The following PRKCA variants were observed in gnomAD, a reference collection of about 807,000 sequenced individuals.
PRKCA encodes the protein protein kinase C alpha type.
A neutral mutation model predicts 87.0 loss-of-function variants in PRKCA; 27 were observed. That is an observed-to-expected ratio of 0.31 (90% CI 0.23 to 0.43). The LOEUF (loss-of-function observed/expected upper bound fraction) is 0.43. PRKCA is among the 20% of genes least tolerant of loss of function. The probability of loss-of-function intolerance (pLI) is 1.00; values close to 1 mark genes in which losing one functional copy is unlikely to be tolerated. For synonymous variants in PRKCA, 329 were observed against 311.1 expected, an observed-to-expected ratio of 1.06 and a Z score of -0.61; for missense variants, 518 against 852.3, an observed-to-expected ratio of 0.61 and a Z score of 4.88.
At chr17:66,747,908 G>C (rs1391814698) in intron 13 of PRKCA, among the ~76,000 whole-genome samples, 1 of 152,238 alleles carries the variant, frequency 6.6e-6, no homozygotes, top group Admixed American at 6.5e-5. Context: ...GCTGGGCACT[G>C]TTCCAGGCCG....
intron 8 of PRKCA, among the ~76,000 whole-genome samples, chr17:66,690,827 CAAAAAAAAAAA>C (rs34671486): frequency 3.0e-5 from 2 of 66,600 alleles, no homozygotes; most frequent in Non-Finnish European, 2.8e-5. Context: ...GACTCTGTCT[CAAAAAAAAAAA>C]AAAAAAAAAA....
intron 5 of PRKCA, among the ~76,000 whole-genome samples, chr17:66,683,555 C>A (rs772136462): frequency 1.1e-4 from 16 of 152,130 alleles, no homozygotes; most frequent in South Asian, 2.1e-4. Flanking sequence ...AGAATGTCTG[C>A]CCACCTATCC....
chr17:66,452,907 A>C (rs1914394978), intron 2 of PRKCA, among the ~76,000 whole-genome samples: 1 of 152,218 alleles, frequency 6.6e-6, no homozygotes, highest in African/African-American at 2.4e-5. Flanking sequence ...ATAACTAGAA[A>C]TTATGAGGTT....
At position 66,632,523 on chromosome 17, in the gene PRKCA, G is replaced by A. The variant is rs189402223; in HGVS notation, c.289-8832G>A. Among the ~76,000 whole-genome samples the A allele has an allele frequency of 2.9e-3, 439 of 152,196 alleles. 2 individuals carry two copies. Among genetic ancestry groups the A allele is most frequent in the Non-Finnish European group, 5.0e-3 (339 of 68,016 alleles). On this transcript the variant is annotated intron_variant, in intron 3 of 16. Transcript: ENST00000413366. Reference sequence around the variant, plus strand: ...GCCTCCTGAGTAGCTGGGACTAAAGGCATAGGCCACCACCCCCAGCTAATT... The same window carrying A: ...GCCTCCTGAGTAGCTGGGACTAAAGACATAGGCCACCACCCCCAGCTAATT...
chr17:66,670,785 AC>A (rs1262002095), intron 5 of PRKCA, among the ~76,000 whole-genome samples: 1 of 151,556 alleles, frequency 6.6e-6, no homozygotes, highest in African/African-American at 2.4e-5. Context: ...TTGCTTGAGC[AC>A]AGGAGGTCAA....
chr17:66,542,050 A>G (rs1368576907), intron 3 of PRKCA, among the ~76,000 whole-genome samples: 1 of 152,166 alleles, frequency 6.6e-6, no homozygotes, highest in African/African-American at 2.4e-5. Flanking sequence ...TGCGGTTATT[A>G]TGGTTCTATA....
intron 3 of PRKCA, among the ~76,000 whole-genome samples, chr17:66,500,007 C>T (rs1455436273): frequency 6.6e-6 from 1 of 152,088 alleles, no homozygotes. Context: ...AAGAGGTGGG[C>T]CCTTTAGGAG....
intron 3 of PRKCA, among the ~76,000 whole-genome samples, chr17:66,534,068 C>CG (rs1204175847): frequency 2.0e-5 from 3 of 150,802 alleles, no homozygotes; most frequent in Admixed American, 6.6e-5. Context: ...TGCTGCCCCC[C>CG]GCACCCCCCC....
At chr17:66,714,523 C>T (rs753829905) in intron 8 of PRKCA, among the ~76,000 whole-genome samples, 1 of 152,110 alleles carries the variant, frequency 6.6e-6, no homozygotes, top group Non-Finnish European at 1.5e-5. Context: ...CACTGTTCCA[C>T]CCCCTCGTCT....
At chr17:66,396,223 G>A (rs1910656267) in intron 2 of PRKCA, among the ~76,000 whole-genome samples, 1 of 152,174 alleles carries the variant, frequency 6.6e-6, no homozygotes, top group African/African-American at 2.4e-5. Flanking sequence ...AGCTGCAAAT[G>A]CAGGAGTTGG....
chr17:66,496,834 G>A (rs1916497365), intron 3 of PRKCA, among the ~76,000 whole-genome samples: 1 of 152,194 alleles, frequency 6.6e-6, no homozygotes, highest in Admixed American at 6.5e-5. Flanking sequence ...AGTAGAGATG[G>A]GGTTTCATCA....
intron 3 of PRKCA, among the ~76,000 whole-genome samples, chr17:66,555,773 T>C (rs889075491): frequency 2.0e-5 from 3 of 152,292 alleles, no homozygotes; most frequent in Admixed American, 6.5e-5. Context: ...ACTACCACAG[T>C]TGACAAACTG....
chr17:66,404,515 A>G (rs909284172), intron 2 of PRKCA, among the ~76,000 whole-genome samples: 21 of 152,080 alleles, frequency 1.4e-4, no homozygotes, highest in African/African-American at 4.8e-4. Flanking sequence ...TTGGCAGATT[A>G]CTGTTTACAA....
At chr17:66,687,395 C>G in intron 6 of PRKCA, 128 bp downstream of exon 6, 1 of 967,160 alleles carries the variant, frequency 1.0e-6, no homozygotes, top group Non-Finnish European at 1.5e-6. Context: ...AAGACCTCCT[C>G]AGGCTGCCAT....
Position 66,781,897 on chromosome 17 carries a change from T to TA in PRKCA, c.1606-4970_1606-4969insA, listed in dbSNP as rs1598939147. On this transcript the variant is annotated intron_variant, in intron 14 of 16. Coordinates refer to ENST00000413366, the MANE Select transcript of PRKCA (RefSeq NM_002737.3). The stretch of plus-strand genomic sequence containing the variant: ...TATATATATATATATAGTGTGTGTG[T>TA]GTGTGTGTGTGTGTGTGTGTGAGTG... Among the ~76,000 whole-genome samples the TA allele has an allele frequency of 2.7e-5, 4 of 146,828 alleles. No individual in the cohort carries two copies. The East Asian group carries it at 6.1e-4, about 22-fold the overall frequency.
chr17:66,648,966 C>T lies in PRKCA; in HGVS notation c.529+3455C>T, dbSNP rs956565959. On this transcript the variant is annotated intron_variant, in intron 5 of 16. Coordinates refer to ENST00000413366, the MANE Select transcript of PRKCA (RefSeq NM_002737.3). Reference sequence around the variant, plus strand: ...AAAATTAGCCAAGTATGGTGGCATGCGCATGTAGTCCCAGGTACTCAGGAG... The same window carrying T: ...AAAATTAGCCAAGTATGGTGGCATGTGCATGTAGTCCCAGGTACTCAGGAG... Among the ~76,000 whole-genome samples, 11 of 151,892 alleles carry T rather than the reference C, an allele frequency of 7.2e-5. No individual in the cohort carries two copies. The East Asian group carries it at 1.2e-3, about 16-fold the overall frequency.
chr17:66,543,956 A>G (rs1968067289), intron 3 of PRKCA, among the ~76,000 whole-genome samples: 1 of 152,206 alleles, frequency 6.6e-6, no homozygotes, highest in Non-Finnish European at 1.5e-5. Context: ...TCACGCCTGT[A>G]ATCCCAGCAC....
At chr17:66,447,753 C>T (rs1914107665) in intron 2 of PRKCA, among the ~76,000 whole-genome samples, 1 of 152,190 alleles carries the variant, frequency 6.6e-6, no homozygotes, top group Non-Finnish European at 1.5e-5. Flanking sequence ...GTGCTCCATC[C>T]CCACCTCCGC....
chr17:66,754,379 G>A (rs1380864377), intron 13 of PRKCA, among the ~76,000 whole-genome samples: 4 of 152,032 alleles, frequency 2.6e-5, no homozygotes, highest in Admixed American at 6.6e-5. Context: ...CACCATGTGC[G>A]ACAGTAAAGC....
Sources: allele counts gnomAD v4.1 joint callset (sites outside exome capture counted in the v4.1 genomes callset), GRCh38; gene constraint gnomAD v4.1.1; transcripts MANE v1.5; gene names NCBI Gene and HGNC (gene_info 2026-07-23, HGNC 2026-07-21).